The following RBM6 variants were observed in gnomAD, a reference collection of about 807,000 sequenced individuals.
RBM6 encodes the protein RNA binding motif protein 6.
Under a neutral mutation model 140.4 loss-of-function variants are expected in RBM6, and 23 were observed. That is an observed-to-expected ratio of 0.16 (90% CI 0.12 to 0.23). The LOEUF (loss-of-function observed/expected upper bound fraction) is 0.23. Ranked by LOEUF, RBM6 falls within the 10% of genes least tolerant of loss-of-function variation. RBM6 has a pLI of 1.00. For synonymous variants in RBM6, 439 were observed against 475.6 expected, an observed-to-expected ratio of 0.92 and a Z score of 1.00; for missense variants, 1,139 against 1,386.7, an observed-to-expected ratio of 0.82 and a Z score of 2.84.
At chr3:49,983,631 A>G (rs2085410574) in intron 5 of RBM6, among the ~76,000 whole-genome samples, 1 of 152,234 alleles carries the variant, frequency 6.6e-6, no homozygotes, top group Non-Finnish European at 1.5e-5. Flanking sequence ...AAAGATGACG[A>G]TAGGCTGATT....
chr3:49,940,801 C>T (rs2083251097), intron 1 of RBM6: 1 of 151,444 alleles, frequency 6.6e-6, no homozygotes, highest in Admixed American at 6.6e-5. Context: ...ATCGTATTCA[C>T]GCTTTAGATT....
At chr3:50,045,784 T>C (rs1379561636) in intron 6 of RBM6, among the ~76,000 whole-genome samples, 2 of 152,144 alleles carry the variant, frequency 1.3e-5, no homozygotes, top group Non-Finnish European at 2.9e-5. Flanking sequence ...TGCTAAGCTC[T>C]TTACATGTAT....
At chr3:50,038,213 C>T (rs1444423761) in intron 6 of RBM6, among the ~76,000 whole-genome samples, 1 of 152,076 alleles carries the variant, frequency 6.6e-6, no homozygotes, top group Non-Finnish European at 1.5e-5. Context: ...GTGATGGGCT[C>T]AGCAGTGAGG....
intron 5 of RBM6, among the ~76,000 whole-genome samples, chr3:49,981,325 C>T (rs1471067103): frequency 6.6e-6 from 1 of 152,158 alleles, no homozygotes; most frequent in Admixed American, 6.5e-5. Flanking sequence ...CATCTCTTTA[C>T]CCCTTGGGAA....
chr3:49,960,450 G>T (rs2084232046), intron 1 of RBM6, among the ~76,000 whole-genome samples: 1 of 152,090 alleles, frequency 6.6e-6, no homozygotes, highest in South Asian at 2.1e-4. Context: ...AAACTTCCTA[G>T]TCTGCCATTT....
chr3:50,041,572 A>C (rs1214841847), intron 6 of RBM6, among the ~76,000 whole-genome samples: 1 of 152,208 alleles, frequency 6.6e-6, no homozygotes, highest in Admixed American at 6.5e-5. Flanking sequence ...TACTAAGAGA[A>C]ATGACACATC....
chr3:50,031,952 A>G (rs2088192946), intron 6 of RBM6, among the ~76,000 whole-genome samples: 2 of 152,176 alleles, frequency 1.3e-5, no homozygotes, highest in African/African-American at 2.4e-5. Flanking sequence ...CCTGTACTCC[A>G]TAAATAAATA....
intron 6 of RBM6, among the ~76,000 whole-genome samples, chr3:50,028,463 A>G (rs2087962754): frequency 6.6e-6 from 1 of 152,192 alleles, no homozygotes. Flanking sequence ...GCACCCTTTA[A>G]GGCCAGAGAA....
chr3:50,064,219 C>G (rs1433198434), intron 15 of RBM6, among the ~76,000 whole-genome samples: 2 of 152,192 alleles, frequency 1.3e-5, no homozygotes, highest in Non-Finnish European at 2.9e-5. Context: ...GCATGAGCCA[C>G]TGCGCCCAGC....
chr3:50,065,254 G>A, intron 16 of RBM6, 128 bp downstream of exon 16: 1 of 687,808 alleles, frequency 1.5e-6, no homozygotes, highest in Non-Finnish European at 2.5e-6. Flanking sequence ...TCCCGAATAA[G>A]GATTCCCATT....
At chr3:50,072,937 G>A (rs1453198740) in intron 19 of RBM6, among the ~76,000 whole-genome samples, 1 of 152,024 alleles carries the variant, frequency 6.6e-6, no homozygotes, top group East Asian at 1.9e-4. Context: ...CACCTTTTCT[G>A]CTCCTCTTCC....
At chr3:50,002,760 TTAAGG>T (rs2086399960) in intron 6 of RBM6, among the ~76,000 whole-genome samples, 1 of 152,164 alleles carries the variant, frequency 6.6e-6, no homozygotes, top group Non-Finnish European at 1.5e-5. Context: ...AACTAATTCT[TTAAGG>T]AAATGGATGT....
At chr3:50,003,072 C>A (rs1399096175) in intron 6 of RBM6, among the ~76,000 whole-genome samples, 2 of 151,964 alleles carry the variant, frequency 1.3e-5, no homozygotes, top group Non-Finnish European at 2.9e-5. Flanking sequence ...GCCAAGATTG[C>A]ACCACTGCAC....
chr3:50,006,726 A>T (rs529173456), intron 6 of RBM6, among the ~76,000 whole-genome samples: 10 of 151,396 alleles, frequency 6.6e-5, no homozygotes, highest in Non-Finnish European at 1.2e-4. Context: ...AGGTCAGGAG[A>T]TGGAGACCAT....
intron 5 of RBM6, among the ~76,000 whole-genome samples, chr3:49,993,424 TC>T (rs1490057292): frequency 6.6e-6 from 1 of 152,186 alleles, no homozygotes; most frequent in Non-Finnish European, 1.5e-5. Context: ...TGTGGATAAC[TC>T]GAGGTTAGGA....
At chr3:49,955,745 A>C (rs2083951706) in intron 1 of RBM6, among the ~76,000 whole-genome samples, 1 of 151,794 alleles carries the variant, frequency 6.6e-6, no homozygotes, top group Non-Finnish European at 1.5e-5. Context: ...TGGGAGGCTG[A>C]GACAGGAGAA....
At chr3:50,039,526 C>T (rs575645495) in intron 6 of RBM6, among the ~76,000 whole-genome samples, 3 of 147,176 alleles carry the variant, frequency 2.0e-5, no homozygotes, top group Non-Finnish European at 4.5e-5. Context: ...GCTGGGATTA[C>T]AGGCATGGGC....
At chr3:49,983,630 G>A (rs1238601901) in intron 5 of RBM6, among the ~76,000 whole-genome samples, 2 of 152,168 alleles carry the variant, frequency 1.3e-5, no homozygotes, top group African/African-American at 4.8e-5. Context: ...AAAAGATGAC[G>A]ATAGGCTGAT....
chr3:49,983,414 G>T (rs2085400405), intron 5 of RBM6, among the ~76,000 whole-genome samples: 1 of 151,732 alleles, frequency 6.6e-6, no homozygotes, highest in Non-Finnish European at 1.5e-5. Flanking sequence ...TCAGGAGTTT[G>T]TGACCAGCAT....
Sources: allele counts gnomAD v4.1 joint callset (sites outside exome capture counted in the v4.1 genomes callset), GRCh38; gene constraint gnomAD v4.1.1; transcripts MANE v1.5; gene names NCBI Gene and HGNC (gene_info 2026-07-23, HGNC 2026-07-21).